NELL1: variants seen among roughly 807,000 people sequenced by gnomAD.
NELL1 encodes the protein neural EGFL like 1, also known as protein kinase C-binding protein NELL1.
A neutral mutation model predicts 107.4 loss-of-function variants in NELL1; 76 were observed. The observed-to-expected ratio is 0.71, with a 90% CI of 0.59 to 0.86. The LOEUF is 0.86. NELL1 is among the 40% of genes least tolerant of loss of function. The pLI is 0.00. For synonymous variants in NELL1, 353 were observed against 341.2 expected (o/e 1.03, Z -0.38); for missense variants, 1,024 against 1,005.5 (o/e 1.02, Z -0.25).
At chr11:21,444,766 T>C (rs944085576) in intron 15 of NELL1, among the ~76,000 whole-genome samples, 1 of 152,176 alleles carries the variant, frequency 6.6e-6, no homozygotes, top group Admixed American at 6.5e-5. Context: ...TTTTAAAATG[T>C]ACAATTATTA....
intron 14 of NELL1, among the ~76,000 whole-genome samples, chr11:21,332,879 A>G (rs893549990): frequency 8.6e-5 from 13 of 151,984 alleles, no homozygotes; most frequent in African/African-American, 2.7e-4. Flanking sequence ...TTCACTTTTT[A>G]TAATTAATAT....
Position 21,169,915 on chromosome 11 carries a change from C to T in NELL1, c.1426+56201C>T, listed in dbSNP as rs1590700998. The T allele has an allele frequency of 2.7e-6, 4 of 1,466,208 alleles. No individual in the cohort carries two copies. In the East Asian group the frequency reaches 9.1e-5, roughly 33 times the overall value. The allele number at this position is 1,466,208 out of a possible 1,614,324, so 90.8% of individuals were successfully genotyped here. On this transcript the variant is annotated intron_variant, in intron 13 of 19. Transcript: ENST00000357134. ...ATGTCCCCAGGTCGTCCACCGATGC[C>T]TTTTATGGCAGGAGGAAGTGCGGCT...
At chr11:21,254,410 GC>G (rs1281885819) in intron 14 of NELL1, among the ~76,000 whole-genome samples, 1 of 152,028 alleles carries the variant, frequency 6.6e-6, no homozygotes, top group East Asian at 1.9e-4. Flanking sequence ...AAAATTCAAT[GC>G]CCAGCAAACA....
intron 13 of NELL1, among the ~76,000 whole-genome samples, chr11:21,183,039 G>C (rs545123775): frequency 6.6e-6 from 1 of 151,784 alleles, no homozygotes; most frequent in Non-Finnish European, 1.5e-5. Flanking sequence ...GAGAGGGAAC[G>C]GCTGGCAAAA....
intron 13 of NELL1, among the ~76,000 whole-genome samples, chr11:21,127,064 G>T (rs1025685271): frequency 6.6e-6 from 1 of 152,086 alleles, no homozygotes; most frequent in African/African-American, 2.4e-5. Context: ...TCTGCTGGCT[G>T]GCATCTAGTT....
At position 21,004,771 on chromosome 11, in the gene NELL1, T is replaced by C. The variant is rs529576965; in HGVS notation, c.1300+44211T>C. Among the ~76,000 whole-genome samples, 12 of 152,220 alleles carry C rather than the reference T, an allele frequency of 7.9e-5. No individual in the cohort carries two copies. The South Asian group carries it at 2.5e-3, about 32-fold the overall frequency. ...AAAATAAAATTAGAGTGGCAGCATATAGTATATTAAAAAATCGTGTGTCCA... is the reference window on the plus strand; with the variant it reads ...AAAATAAAATTAGAGTGGCAGCATACAGTATATTAAAAAATCGTGTGTCCA... On this transcript the variant is annotated intron_variant, in intron 12 of 19. Coordinates refer to ENST00000357134, the MANE Select transcript of NELL1 (RefSeq NM_006157.5).
chr11:21,126,020 C>T (rs1055954304), intron 13 of NELL1, among the ~76,000 whole-genome samples: 30 of 152,110 alleles, frequency 2.0e-4, no homozygotes, highest in African/African-American at 6.5e-4. Flanking sequence ...ATAGAGTAAA[C>T]GCTCAATAAC....
At chr11:20,990,774 C>G (rs1302984365) in intron 12 of NELL1, among the ~76,000 whole-genome samples, 1 of 152,210 alleles carries the variant, frequency 6.6e-6, no homozygotes, top group Non-Finnish European at 1.5e-5. Flanking sequence ...GAGATGGTGT[C>G]TGGCACCTAA....
intron 10 of NELL1, among the ~76,000 whole-genome samples, chr11:20,943,587 A>G (rs1301377814): frequency 6.6e-6 from 1 of 152,144 alleles, no homozygotes; most frequent in Non-Finnish European, 1.5e-5. Flanking sequence ...ATTTCAAAAA[A>G]AAAACCCAAC....
chr11:21,270,399 C>A (rs1385481826), intron 14 of NELL1, among the ~76,000 whole-genome samples: 5 of 151,978 alleles, frequency 3.3e-5, no homozygotes, highest in Admixed American at 6.6e-5. Flanking sequence ...ATTTCTGACA[C>A]AACAGACTTC....
At chr11:20,901,462 C>T (rs568910820) in intron 5 of NELL1, among the ~76,000 whole-genome samples, 3 of 152,072 alleles carry the variant, frequency 2.0e-5, no homozygotes, top group Admixed American at 6.6e-5. Flanking sequence ...GGGAGAAGTA[C>T]GCTATGTTCT....
chr11:21,438,361 T>A (rs908677043), intron 15 of NELL1, among the ~76,000 whole-genome samples: 18 of 152,148 alleles, frequency 1.2e-4, no homozygotes, highest in African/African-American at 4.1e-4. Context: ...ATAGGTATTG[T>A]TTTCTATGTG....
intron 12 of NELL1, among the ~76,000 whole-genome samples, chr11:21,052,311 G>A (rs545938462): frequency 2.6e-5 from 4 of 152,142 alleles, no homozygotes; most frequent in African/African-American, 7.2e-5. Flanking sequence ...CCACAGAAGA[G>A]TCTGAACTGA....
chr11:21,390,019 T>C (rs918145892), intron 15 of NELL1, among the ~76,000 whole-genome samples: 3 of 151,854 alleles, frequency 2.0e-5, no homozygotes, highest in African/African-American at 7.2e-5. Flanking sequence ...ATATTCCTAA[T>C]AACAATAAAT....
chr11:20,742,129 T>C (rs1046775932), intron 2 of NELL1, among the ~76,000 whole-genome samples: 1 of 152,200 alleles, frequency 6.6e-6, no homozygotes, highest in Non-Finnish European at 1.5e-5. Context: ...GAGGAGGACT[T>C]TGCAGTAAGA....
At chr11:21,424,396 G>A (rs10766803) in intron 15 of NELL1, among the ~76,000 whole-genome samples, 64,949 of 151,938 alleles carry the variant, frequency 0.43, 16,123 homozygotes, top group Non-Finnish European at 0.56. Flanking sequence ...TGAGGCCGGC[G>A]GATCACTTGA....
intron 14 of NELL1, among the ~76,000 whole-genome samples, chr11:21,295,851 G>GA (rs917301707): frequency 3.5e-4 from 53 of 151,962 alleles, no homozygotes; most frequent in African/African-American, 1.2e-3. Flanking sequence ...ATTTGAAGTG[G>GA]AAAAAAATGA....
intron 12 of NELL1, among the ~76,000 whole-genome samples, chr11:20,992,904 G>A (rs570579074): frequency 2.6e-5 from 4 of 151,880 alleles, no homozygotes; most frequent in South Asian, 4.2e-4. Context: ...AAGTAGAGAC[G>A]GGGTTTCACC....
intron 15 of NELL1, among the ~76,000 whole-genome samples, chr11:21,374,887 C>CTG (rs10566953): frequency 0.083 from 11,871 of 143,670 alleles, 581 homozygotes; most frequent in African/African-American, 0.14. Context: ...CTGTGTGTGT[C>CTG]TGTGTGTGTG....
Sources: allele counts gnomAD v4.1 joint callset (sites outside exome capture counted in the v4.1 genomes callset), GRCh38; gene constraint gnomAD v4.1.1; transcripts MANE v1.5; gene names NCBI Gene and HGNC (gene_info 2026-07-23, HGNC 2026-07-21).